PRTG: variants seen among roughly 807,000 people sequenced by gnomAD.
PRTG encodes protogenin.
In PRTG, 67 loss-of-function variants were observed where a neutral mutation model predicts 122.5. That is an observed-to-expected ratio of 0.55 (90% CI 0.45 to 0.67). PRTG has a LOEUF of 0.67. Among genes scored for constraint, PRTG ranks in the 30% least tolerant of loss-of-function variants. The pLI, the probability that PRTG is intolerant of heterozygous loss-of-function variation, is 0.00. For missense variants in PRTG, 1,435 were observed against 1,415.4 expected (o/e 1.01, Z -0.22); for synonymous variants, 554 against 501.1 (o/e 1.11, Z -1.41).
chr15:55,714,148 TCA>T (rs1207345232), intron 2 of PRTG, among the ~76,000 whole-genome samples: 3 of 152,088 alleles, frequency 2.0e-5, no homozygotes, highest in African/African-American at 7.2e-5. Flanking sequence ...AAGCATGAAC[TCA>T]CTGTAACACC....
Position 55,675,560 on chromosome 15 carries a change from C to G in PRTG, c.1505G>C (p.Ser502Thr). Residue 502 changes from serine (S) to threonine (T), a missense_variant, in exon 9 of 20, where the codon AGC becomes ACC. Coordinates refer to ENST00000389286, the MANE Select transcript of PRTG (RefSeq NM_173814.6). ...CTGTGTCACATGGTCAGACATCTGG[C>G]TGGCTCCCATTGGCATATATGCTAC... ...YIVAYMPMGA[S>T]QMSDHVTQNT... 6.2e-7 allele frequency: 1 copy of G among 1,612,522 alleles called. No homozygotes were observed. The highest frequency in any genetic ancestry group is 8.5e-7 in the Non-Finnish European group (1 of 1,178,946).
rs746088938 is a variant in PRTG at position 55,639,822 on chromosome 15, C to A, written c.2144G>T (p.Arg715Leu). ...TVSTPGCVSV[R>L]DRMVPPPPPP... ...TGGTGGAGGAGGGACCATGCGATCA[C>A]GAACAGCTATTGAGAAAAACAATGT... Residue 715 changes from arginine (R) to leucine (L), a missense_variant, in exon 13 of 20, where the codon CGT becomes CTT. Transcript: ENST00000389286. 1 of 1,613,518 alleles carries A rather than the reference C, an allele frequency of 6.2e-7. No homozygotes were observed. Among genetic ancestry groups the A allele is most frequent in the Non-Finnish European group, 8.5e-7 (1 of 1,179,860 alleles).
At chr15:55,695,741 G>A (rs2059628481) in intron 2 of PRTG, among the ~76,000 whole-genome samples, 1 of 152,206 alleles carries the variant, frequency 6.6e-6, no homozygotes, top group Non-Finnish European at 1.5e-5. Context: ...CACTTTGAGG[G>A]GACGAGACAG....
At chr15:55,718,010 C>T (rs1357114881) in intron 2 of PRTG, among the ~76,000 whole-genome samples, 4 of 152,208 alleles carry the variant, frequency 2.6e-5, no homozygotes, top group Non-Finnish European at 4.4e-5. Flanking sequence ...GATCCACCTA[C>T]GACCTCTGGT....
At chr15:55,664,743 T>C (rs2059429147) in intron 11 of PRTG, among the ~76,000 whole-genome samples, 1 of 151,864 alleles carries the variant, frequency 6.6e-6, no homozygotes, top group Non-Finnish European at 1.5e-5. Flanking sequence ...TGTACCACCA[T>C]GCCCAGCTAA....
At chr15:55,634,443 T>A (rs1328675419) in intron 15 of PRTG, among the ~76,000 whole-genome samples, 1 of 152,224 alleles carries the variant, frequency 6.6e-6, no homozygotes, top group Non-Finnish European at 1.5e-5. Flanking sequence ...AAATTCTTTA[T>A]TAATACTTAC....
chr15:55,687,060 G>C (rs1191545646), intron 2 of PRTG, among the ~76,000 whole-genome samples: 1 of 152,094 alleles, frequency 6.6e-6, no homozygotes, highest in Non-Finnish European at 1.5e-5. Context: ...TTCTTTGCAG[G>C]ATACTGCAAG....
At chr15:55,663,244 G>A (rs527969487) in intron 11 of PRTG, among the ~76,000 whole-genome samples, 3 of 152,284 alleles carry the variant, frequency 2.0e-5, no homozygotes, top group African/African-American at 7.2e-5. Context: ...GAGGTCAAGT[G>A]ACTTTACCAA....
intron 2 of PRTG, among the ~76,000 whole-genome samples, chr15:55,709,351 T>C (rs2030287346): frequency 6.8e-6 from 1 of 147,092 alleles, no homozygotes; most frequent in African/African-American, 2.5e-5. Context: ...ATATATATTA[T>C]ATATAAAATA....
intron 2 of PRTG, among the ~76,000 whole-genome samples, chr15:55,733,275 C>T (rs2031298281): frequency 6.6e-6 from 1 of 151,926 alleles, no homozygotes; most frequent in African/African-American, 2.4e-5. Flanking sequence ...GGGAGGCTGA[C>T]TGAGGTGGTC....
At chr15:55,735,257 A>C (rs1361884322) in intron 2 of PRTG, among the ~76,000 whole-genome samples, 1 of 152,182 alleles carries the variant, frequency 6.6e-6, no homozygotes, top group Non-Finnish European at 1.5e-5. Context: ...TTTCATATAA[A>C]TGGTAATTAT....
chr15:55,617,694 C>A lies in PRTG; in HGVS notation c.*2318G>T, dbSNP rs1225626536. 2 of 151,944 alleles carry A rather than the reference C, an allele frequency of 1.3e-5. No homozygotes were observed. The highest frequency in any genetic ancestry group is 2.9e-5 in the Non-Finnish European group (2 of 67,980). The allele number at this position is 151,944 out of a possible 1,614,324, so 9.4% of individuals were successfully genotyped here. A position where few individuals can be genotyped will look rare whatever the true frequency, so the allele number is the denominator to read the frequency against. ...GCCTATTCATCAAAAACCAAACAAA[C>A]AAAATACTTTCCTCAAGGACTTTAG... is the stretch of plus-strand genomic sequence containing the variant. On this transcript the variant is annotated 3_prime_UTR_variant, in exon 20 of 20. Coordinates refer to ENST00000389286, the MANE Select transcript of PRTG (RefSeq NM_173814.6).
rs945036592 is a variant in PRTG at position 55,620,736 on chromosome 15, C to T, written c.3125G>A (p.Gly1042Asp). The part of the protein sequence containing the change: ...GGTDLIINSY[G>D]PIIKNNSKKK... ...CTTAGAGTTGTTTTTAATTATAGGA[C>T]CATAGCTATTAATTATCAGGTCAGT... Residue 1042 changes from glycine (G) to aspartate (D), a missense_variant, in exon 19 of 20, where the codon GGT becomes GAT. Gly to Asp is a moderately conservative substitution (Grantham distance 94, BLOSUM62 -1). Transcript: ENST00000389286. The T allele has an allele frequency of 1.9e-6, 3 of 1,597,810 alleles. No individual in the cohort carries two copies. Among genetic ancestry groups the T allele is most frequent in the Non-Finnish European group, 2.6e-6 (3 of 1,176,022 alleles).
chr15:55,631,197 A>C (rs1451811490), intron 15 of PRTG, among the ~76,000 whole-genome samples: 1 of 152,148 alleles, frequency 6.6e-6, no homozygotes, highest in Non-Finnish European at 1.5e-5. Flanking sequence ...AATCAGGAAG[A>C]GTCTTTCCAC....
At chr15:55,716,400 A>G (rs2030602666) in intron 2 of PRTG, among the ~76,000 whole-genome samples, 1 of 152,250 alleles carries the variant, frequency 6.6e-6, no homozygotes, top group African/African-American at 2.4e-5. Flanking sequence ...TCCTCTGCCC[A>G]CTACAGAACC....
intron 2 of PRTG, among the ~76,000 whole-genome samples, chr15:55,705,140 T>C (rs2030049426): frequency 6.6e-6 from 1 of 152,178 alleles, no homozygotes; most frequent in African/African-American, 2.4e-5. Context: ...ATAATGGAGC[T>C]GGAAGTCAAA....
At position 55,742,969 on chromosome 15, in the gene PRTG, G is replaced by A. The variant is rs2031666640; in HGVS notation, c.-38C>T. 3.4e-6 allele frequency: 5 copies of A among 1,460,900 alleles called. No homozygotes were observed. The highest frequency in any genetic ancestry group is 3.6e-6 in the Non-Finnish European group (4 of 1,108,142). The allele number at this position is 1,460,900 out of a possible 1,614,324, so 90.5% of individuals were successfully genotyped here. A position where few individuals can be genotyped will look rare whatever the true frequency, so the allele number is the denominator to read the frequency against. ...CGCGGGCATGCTCCCCGGCCGCCCAGAGCCCCTGTCCGTCTGCGGCCCCCG... is the reference window on the plus strand; with the variant it reads ...CGCGGGCATGCTCCCCGGCCGCCCAAAGCCCCTGTCCGTCTGCGGCCCCCG... On this transcript the variant is annotated 5_prime_UTR_variant, in exon 1 of 20. Transcript: ENST00000389286.
At chr15:55,644,865 G>A (rs2059311720) in intron 11 of PRTG, among the ~76,000 whole-genome samples, 1 of 151,926 alleles carries the variant, frequency 6.6e-6, no homozygotes, top group Non-Finnish European at 1.5e-5. Flanking sequence ...AAAAATAAAG[G>A]AGTGAGAAAC....
intron 6 of PRTG, 118 bp downstream of exon 6, chr15:55,679,936 G>C: frequency 1.3e-6 from 1 of 747,648 alleles, no homozygotes; most frequent in East Asian, 2.7e-5. Flanking sequence ...TTCATCATTT[G>C]ATTACAATAC....
Sources: allele counts gnomAD v4.1 joint callset (sites outside exome capture counted in the v4.1 genomes callset), GRCh38; gene constraint gnomAD v4.1.1; transcripts MANE v1.5; gene names NCBI Gene and HGNC (gene_info 2026-07-23, HGNC 2026-07-21).